Variants in MTF2 observed in about 807,000 individuals in gnomAD.
The protein encoded by MTF2 is metal-response element-binding transcription factor 2.
A neutral mutation model predicts 79.5 loss-of-function variants in MTF2; 11 were observed. The observed-to-expected ratio is 0.14, with a 90% CI of 0.09 to 0.23. The LOEUF is 0.23. Among genes scored for constraint, MTF2 ranks in the 10% least tolerant of loss-of-function variants. MTF2 has a pLI of 1.00. For missense variants in MTF2, 486 were observed against 711.2 expected, an observed-to-expected ratio of 0.68 and a Z score of 3.60; for synonymous variants, 208 against 232.8, an observed-to-expected ratio of 0.89 and a Z score of 0.97.
rs966791586 is a variant in MTF2 at position 93,090,019 on chromosome 1, C to T, written c.5+10488C>T. On this transcript the variant is annotated intron_variant, in intron 1 of 14. Transcript: ENST00000370298. ...TGAGATGGAGTCTCGCTCTGTCCCC[C>T]GGGCTGGAGCGCGGTAGCACGATCT... 5.3e-5 allele frequency among the ~76,000 whole-genome samples: 8 copies of T among 152,132 alleles called. No individual in the cohort carries two copies. The East Asian group carries it at 5.8e-4, about 11-fold the overall frequency.
chr1:93,136,480 G>A (rs559973917), intron 14 of MTF2, among the ~76,000 whole-genome samples, 190 bp from the exon 15 acceptor site: 3 of 152,158 alleles, frequency 2.0e-5, no homozygotes, highest in Admixed American at 6.5e-5. Flanking sequence ...CTCCAAGAAC[G>A]TGACAAAATC....
rs781665568 is a variant in MTF2 at position 93,079,540 on chromosome 1, C to T, written c.5+9C>T. 1.2e-6 allele frequency: 2 copies of T among 1,613,622 alleles called. No individual in the cohort carries two copies. Among genetic ancestry groups the T allele is most frequent in the South Asian group, 1.1e-5 (1 of 91,012 alleles). On this transcript the variant is annotated intron_variant, in intron 1 of 14. Coordinates refer to ENST00000370298, the MANE Select transcript of MTF2 (RefSeq NM_007358.4). ...TGAAGTGACCGAATGAGGTGAGAGACCTTGGCCTGGGAACCGACTCTTCCG... is the reference window on the plus strand; with the variant it reads ...TGAAGTGACCGAATGAGGTGAGAGATCTTGGCCTGGGAACCGACTCTTCCG...
rs1444507920 is a variant in MTF2, at chr1:93,138,136, G to A, written c.*1109G>A. 1.3e-5 allele frequency: 2 copies of A among 152,054 alleles called. No homozygotes were observed. Among genetic ancestry groups the A allele is most frequent in the Non-Finnish European group, 1.5e-5 (1 of 67,980 alleles). 9.4% of individuals were successfully genotyped at this position (152,054 alleles called of 1,614,324 possible). A position where few individuals can be genotyped will look rare whatever the true frequency, so the allele number is the denominator to read the frequency against. On this transcript the variant is annotated 3_prime_UTR_variant, in exon 15 of 15. Coordinates refer to ENST00000370298, the MANE Select transcript of MTF2 (RefSeq NM_007358.4). Reference sequence around the variant, plus strand: ...TAACAAACAGTATGTTGCCAGCTGAGGCTACTGCTGTTTTATTACAACATT... The same window carrying A: ...TAACAAACAGTATGTTGCCAGCTGAAGCTACTGCTGTTTTATTACAACATT...
chr1:93,099,184 A>G, intron 1 of MTF2, among the ~76,000 whole-genome samples: 1 of 152,198 alleles, frequency 6.6e-6, no homozygotes, highest in Non-Finnish European at 1.5e-5. Context: ...CTCTCTACAA[A>G]TCCTGCATCA....
At chr1:93,088,399 T>C (rs922043764) in intron 1 of MTF2, among the ~76,000 whole-genome samples, 3 of 152,208 alleles carry the variant, frequency 2.0e-5, no homozygotes, top group African/African-American at 7.2e-5. Context: ...CAAGGATTCC[T>C]TTTGCACAAA....
intron 14 of MTF2, among the ~76,000 whole-genome samples, chr1:93,135,266 C>G (rs548623241): frequency 3.3e-5 from 5 of 152,326 alleles, no homozygotes; most frequent in African/African-American, 1.2e-4. Flanking sequence ...GCCACTTTGC[C>G]TGGCCAGGAC....
At chr1:93,122,942 A>G (rs1286676430) in intron 9 of MTF2, among the ~76,000 whole-genome samples, 2 of 152,134 alleles carry the variant, frequency 1.3e-5, no homozygotes, top group Non-Finnish European at 2.9e-5. Context: ...GTAGTGATCA[A>G]TAAAAAGGTA....
chr1:93,087,378 C>T (rs780200382), intron 1 of MTF2, among the ~76,000 whole-genome samples: 3 of 152,120 alleles, frequency 2.0e-5, no homozygotes, highest in Non-Finnish European at 2.9e-5. Flanking sequence ...TCAAAACCAG[C>T]GTGACCAACA....
In MTF2 at chr1:93,114,917, A is replaced by C. The variant is rs574434595; in HGVS notation, c.383-71A>C. The C allele has an allele frequency of 6.1e-5, 78 of 1,284,540 alleles. No homozygotes were observed. In the South Asian group the frequency reaches 7.8e-4, roughly 13 times the overall value. 79.6% of individuals were successfully genotyped at this position (1,284,540 alleles called of 1,614,324 possible). Reference sequence around the variant, plus strand: ...ATATTAATGTAGGAAATAATGCTAAAATGCATTCTTGAAATTGTGTTGAAA... The same window carrying C: ...ATATTAATGTAGGAAATAATGCTAACATGCATTCTTGAAATTGTGTTGAAA... On this transcript the variant is annotated intron_variant, in intron 4 of 14. Transcript: ENST00000370298.
intron 1 of MTF2, among the ~76,000 whole-genome samples, chr1:93,080,680 C>A (rs1035336335): frequency 2.6e-5 from 4 of 151,908 alleles, no homozygotes; most frequent in African/African-American, 9.7e-5. Flanking sequence ...CTTTCTCCTT[C>A]AGATGGATTC....
intron 1 of MTF2, among the ~76,000 whole-genome samples, chr1:93,091,793 C>T (rs1414356830): frequency 6.6e-6 from 1 of 152,136 alleles, no homozygotes; most frequent in Non-Finnish European, 1.5e-5. Context: ...TAGATCAGTA[C>T]TGGTTTATGG....
At chr1:93,099,155 A>C (rs1470918253) in intron 1 of MTF2, among the ~76,000 whole-genome samples, 1 of 152,184 alleles carries the variant, frequency 6.6e-6, no homozygotes, top group Non-Finnish European at 1.5e-5. Flanking sequence ...CTACCTGATC[A>C]CACTAAGGCA....
intron 1 of MTF2, among the ~76,000 whole-genome samples, chr1:93,102,936 C>T (rs1476824166): frequency 6.6e-6 from 1 of 152,024 alleles, no homozygotes; most frequent in Non-Finnish European, 1.5e-5. Context: ...TCAAGACCAG[C>T]CTGGCCAACA....
intron 1 of MTF2, among the ~76,000 whole-genome samples, chr1:93,082,143 G>T (rs180844839): frequency 6.6e-6 from 1 of 152,164 alleles, no homozygotes; most frequent in Non-Finnish European, 1.5e-5. Context: ...AACAAAAAAT[G>T]GATATTAGGA....
chr1:93,090,915 G>A (rs774722402), intron 1 of MTF2, among the ~76,000 whole-genome samples: 28 of 151,924 alleles, frequency 1.8e-4, no homozygotes, highest in Non-Finnish European at 3.4e-4. Context: ...CGCCCACCTC[G>A]GCCTCCCAGA....
intron 1 of MTF2, among the ~76,000 whole-genome samples, chr1:93,097,030 A>G (rs1281270199): frequency 2.6e-5 from 4 of 151,882 alleles, no homozygotes; most frequent in African/African-American, 9.7e-5. Context: ...GGCTGGTCTC[A>G]AACTCCTGAG....
intron 1 of MTF2, among the ~76,000 whole-genome samples, chr1:93,086,803 A>C (rs1654858828): frequency 6.6e-6 from 1 of 152,196 alleles, no homozygotes; most frequent in Non-Finnish European, 1.5e-5. Flanking sequence ...TGTATACTAC[A>C]GGCAGCTGTC....
intron 14 of MTF2, among the ~76,000 whole-genome samples, chr1:93,135,125 C>G (rs1175172335): frequency 7.2e-5 from 11 of 152,178 alleles, no homozygotes; most frequent in South Asian, 6.2e-4. Context: ...CGTGCGCCAC[C>G]ATGCCCAGCT....
chr1:93,127,116 CT>C (rs1393403931), intron 9 of MTF2, 115 bp from the exon 10 acceptor site: 2 of 677,444 alleles, frequency 3.0e-6, no homozygotes, highest in Admixed American at 4.6e-5. Flanking sequence ...GAACTTAGAT[CT>C]TCTGACTACC....
Sources: allele counts gnomAD v4.1 joint callset (sites outside exome capture counted in the v4.1 genomes callset), GRCh38; gene constraint gnomAD v4.1.1; transcripts MANE v1.5; gene names NCBI Gene and HGNC (gene_info 2026-07-23, HGNC 2026-07-21).